VRK2: variants seen among roughly 807,000 people sequenced by gnomAD.
The protein encoded by VRK2 is serine/threonine-protein kinase VRK2.
VRK2 carries 60 observed loss-of-function variants against 57.6 expected under a neutral mutation model. That is an observed-to-expected ratio of 1.04 (90% CI 0.85 to 1.29). VRK2 has a LOEUF of 1.29. Ranked by LOEUF, VRK2 falls within the 50% of genes most tolerant of loss-of-function variation. VRK2 has a pLI of 0.00. For missense variants in VRK2, 705 were observed against 588.1 expected (o/e 1.20, Z -2.06); for synonymous variants, 231 against 199.2 (o/e 1.16, Z -1.35).
At chr2:58,024,975 T>A (rs1411745866) in intron 1 of VRK2, among the ~76,000 whole-genome samples, 2 of 152,202 alleles carry the variant, frequency 1.3e-5, no homozygotes, top group African/African-American at 4.8e-5. Flanking sequence ...GGGGTTAATT[T>A]GTAGAATAAA....
intron 1 of VRK2, among the ~76,000 whole-genome samples, chr2:58,003,745 G>T (rs1673158500): frequency 6.6e-6 from 1 of 152,018 alleles, no homozygotes; most frequent in Non-Finnish European, 1.5e-5. Context: ...ATGGTGTCTT[G>T]TGGCCTGTGA....
intron 7 of VRK2, among the ~76,000 whole-genome samples, chr2:58,112,976 T>C (rs1675797486): frequency 6.6e-6 from 1 of 152,194 alleles, no homozygotes; most frequent in Non-Finnish European, 1.5e-5. Flanking sequence ...TAATCTTTCC[T>C]GGTTATTTGA....
intron 2 of VRK2, among the ~76,000 whole-genome samples, chr2:58,031,456 C>T (rs1454223061): frequency 6.6e-6 from 1 of 151,922 alleles, no homozygotes; most frequent in Non-Finnish European, 1.5e-5. Flanking sequence ...CCTCCTTTCC[C>T]TCAAGGATAG....
chr2:58,068,746 G>T, intron 2 of VRK2, among the ~76,000 whole-genome samples: 1 of 142,464 alleles, frequency 7.0e-6, no homozygotes, highest in East Asian at 2.1e-4. Context: ...ATTTTCCTTT[G>T]ATCTATCATC....
chr2:57,991,844 G>A (rs568215434), intron 1 of VRK2, among the ~76,000 whole-genome samples: 1 of 151,364 alleles, frequency 6.6e-6, no homozygotes, highest in African/African-American at 2.4e-5. Flanking sequence ...TGTAGTGCCA[G>A]CTACTCAGGA....
intron 1 of VRK2, among the ~76,000 whole-genome samples, chr2:57,927,669 G>A (rs1670584263): frequency 1.3e-5 from 2 of 152,090 alleles, no homozygotes; most frequent in Admixed American, 6.6e-5. Flanking sequence ...GCTCATTAAT[G>A]TCTTCATTTT....
intron 2 of VRK2, among the ~76,000 whole-genome samples, chr2:58,068,799 G>T (rs1572932325): frequency 2.6e-5 from 3 of 114,420 alleles, no homozygotes; most frequent in East Asian, 2.4e-4. Context: ...TAATTGTATT[G>T]CACCCCCTCA....
chr2:57,970,907 A>AT (rs1156830178), intron 1 of VRK2, among the ~76,000 whole-genome samples: 6 of 151,602 alleles, frequency 4.0e-5, no homozygotes, highest in Non-Finnish European at 7.4e-5. Flanking sequence ...AATTGATAGG[A>AT]TTTTTTTTCC....
chr2:58,088,541 G>A, intron 6 of VRK2, 95 bp downstream of exon 6: 1 of 982,024 alleles, frequency 1.0e-6, no homozygotes, highest in Admixed American at 2.0e-5. Context: ...AGAGAATGAA[G>A]GATTATTGCC....
intron 1 of VRK2, among the ~76,000 whole-genome samples, chr2:57,974,129 A>G (rs1228432221): frequency 1.3e-5 from 2 of 151,988 alleles, no homozygotes; most frequent in African/African-American, 2.4e-5. Flanking sequence ...AAACAAGTTA[A>G]TATTTTATTC....
intron 1 of VRK2, among the ~76,000 whole-genome samples, chr2:57,932,385 T>A (rs1670759032): frequency 6.6e-6 from 1 of 152,190 alleles, no homozygotes; most frequent in African/African-American, 2.4e-5. Context: ...TCGTTATTCA[T>A]CTGTTCAGAT....
intron 1 of VRK2, among the ~76,000 whole-genome samples, chr2:57,932,943 G>A (rs1175510563): frequency 6.6e-6 from 1 of 151,850 alleles, no homozygotes; most frequent in Non-Finnish European, 1.5e-5. Flanking sequence ...TTTGTTTTCG[G>A]GAGCATGTTG....
intron 1 of VRK2, among the ~76,000 whole-genome samples, chr2:57,973,142 T>C (rs1672146062): frequency 6.6e-6 from 1 of 151,910 alleles, no homozygotes; most frequent in Non-Finnish European, 1.5e-5. Flanking sequence ...TCACCAGCAA[T>C]ATATAAGAGT....
intron 2 of VRK2, among the ~76,000 whole-genome samples, chr2:58,075,136 C>T (rs955638795): frequency 6.6e-6 from 1 of 152,050 alleles, no homozygotes; most frequent in African/African-American, 2.4e-5. Flanking sequence ...TAAGTGAGGA[C>T]ATGCAGTATC....
intron 1 of VRK2, among the ~76,000 whole-genome samples, chr2:57,948,353 C>T (rs1022889925): frequency 5.3e-5 from 8 of 152,090 alleles, no homozygotes; most frequent in African/African-American, 1.9e-4. Flanking sequence ...TGCACAATAC[C>T]ATTTATAAGC....
chr2:57,921,449 TG>T lies in VRK2; in HGVS notation c.-439+13614del, dbSNP rs1670346170. Among the ~76,000 whole-genome samples, 4 of 152,136 alleles carry T rather than the reference TG, an allele frequency of 2.6e-5. No homozygotes were observed. The South Asian group carries it at 8.3e-4, about 32-fold the overall frequency. On this transcript the variant is annotated intron_variant, in intron 1 of 15. Transcript: ENST00000417641. ...AGTGATAGCCTTGTGTGGATCCTCC[TG>T]GGGATTGTCTGACAAGGTGAATTAT...
At chr2:57,971,268 CA>C (rs1301990287) in intron 1 of VRK2, among the ~76,000 whole-genome samples, 1 of 151,972 alleles carries the variant, frequency 6.6e-6, no homozygotes, top group Admixed American at 6.6e-5. Context: ...ACTCACTTAG[CA>C]GTAAATGACA....
rs1261024618 is a variant in VRK2, at chr2:58,084,142, A to G, written c.186+4A>G. 1 of 1,603,680 alleles carries G rather than the reference A, an allele frequency of 6.2e-7. No individual in the cohort carries two copies. The highest frequency in any genetic ancestry group is 1.1e-5 in the South Asian group (1 of 89,218). ...TGCAAGACATGTAGTAAAAGTGGTA[A>G]GTGTTGCTCATAGATTTGTATTTCA... On this transcript the variant is annotated splice_donor_region_variant and intron_variant, in intron 3 of 12. Transcript: ENST00000340157.
At chr2:57,916,728 C>T (rs1361091424) in intron 1 of VRK2, among the ~76,000 whole-genome samples, 1 of 152,056 alleles carries the variant, frequency 6.6e-6, no homozygotes, top group African/African-American at 2.4e-5. Context: ...ACAGCTTAGA[C>T]CATGTGTTTT....
Sources: gnomAD v4.1 joint callset for allele counts (sites outside exome capture counted in the v4.1 genomes callset) on GRCh38, gnomAD v4.1.1 for gene constraint, MANE v1.5 for transcripts, NCBI Gene and HGNC (gene_info 2026-07-23, HGNC 2026-07-21) for gene names.